Variants in CYTH3 observed in about 807,000 individuals in gnomAD.
The protein encoded by CYTH3 is cytohesin 3.
In CYTH3, 23 loss-of-function variants were observed where a neutral mutation model predicts 55.1. That is an observed-to-expected ratio of 0.42 (90% CI 0.30 to 0.59). The LOEUF (loss-of-function observed/expected upper bound fraction) is 0.59. CYTH3 is among the 20% of genes least tolerant of loss of function. The probability of loss-of-function intolerance (pLI) is 0.20; values close to 1 mark genes in which losing one functional copy is unlikely to be tolerated. For synonymous variants in CYTH3, 249 were observed against 194.9 expected, an observed-to-expected ratio of 1.28 and a Z score of -2.31; for missense variants, 413 against 524.8, an observed-to-expected ratio of 0.79 and a Z score of 2.08.
In CYTH3 at chr7:6,165,446, G is replaced by A. The variant is rs1037661144; in HGVS notation, c.973-19C>T. On this transcript the variant is annotated intron_variant, in intron 11 of 12. Transcript: ENST00000350796. ...AACAGTTCTGGTGGAGAAAGAGAGA[G>A]GGGAGGCGGTCAGGGGGGCTTGGGG... The A allele has an allele frequency of 2.5e-6, 4 of 1,610,326 alleles. No homozygotes were observed. Among genetic ancestry groups the A allele is most frequent in the East Asian group, 2.2e-5 (1 of 44,810 alleles).
At chr7:6,187,200 G>C (rs537754025) in intron 3 of CYTH3, 84 bp from the exon 4 acceptor site, 8 of 1,404,954 alleles carry the variant, frequency 5.7e-6, no homozygotes, top group Middle Eastern at 1.8e-4. Context: ...ACTTTCCCCC[G>C]CAACAACGGG....
intron 1 of CYTH3, among the ~76,000 whole-genome samples, chr7:6,242,068 G>C (rs1230515878): frequency 2.0e-5 from 3 of 152,000 alleles, no homozygotes; most frequent in Non-Finnish European, 2.9e-5. Flanking sequence ...GAACAGGGCA[G>C]AGGGGTTTTT....
chr7:6,271,693 G>A (rs968122122), intron 1 of CYTH3, among the ~76,000 whole-genome samples: 1 of 152,046 alleles, frequency 6.6e-6, no homozygotes, highest in African/African-American at 2.4e-5. Context: ...AGAGGAAACC[G>A]AACGTCAGAC....
At position 6,220,574 on chromosome 7, in the gene CYTH3, CAAAAAAA is replaced by C. The variant is rs1191450197; in HGVS notation, c.35-30050_35-30044del. ...GAGAAAGTCTCGAAACATCCTGTCTCAAAAAAAAAAAAAAAAAAAAACCAAAGGCTGG... is the reference window on the plus strand; with the variant it reads ...GAGAAAGTCTCGAAACATCCTGTCTCAAAAAAAAAAAAAACCAAAGGCTGG... On this transcript the variant is annotated intron_variant, in intron 1 of 12. Transcript: ENST00000350796. 6.4e-5 allele frequency among the ~76,000 whole-genome samples: 4 copies of C among 62,074 alleles called. No homozygotes were observed. In the East Asian group the frequency reaches 1.4e-3, roughly 22 times the overall value. The allele number at this position is 62,074 out of a possible 152,430, so 40.7% of individuals were successfully genotyped here.
At chr7:6,225,029 G>C (rs565882385) in intron 1 of CYTH3, among the ~76,000 whole-genome samples, 1 of 152,298 alleles carries the variant, frequency 6.6e-6, no homozygotes, top group African/African-American at 2.4e-5. Context: ...TTAGCCAGTG[G>C]CTGGCGCTGG....
chr7:6,243,248 C>T (rs746226460), intron 1 of CYTH3, among the ~76,000 whole-genome samples: 1 of 152,130 alleles, frequency 6.6e-6, no homozygotes, highest in Non-Finnish European at 1.5e-5. Context: ...TGAGAAGAGC[C>T]CAGCGGGCTG....
Position 6,167,521 on chromosome 7 carries a change from C to G in CYTH3, c.824-1711G>C, listed in dbSNP as rs1783048571. Among the ~76,000 whole-genome samples the G allele has an allele frequency of 6.6e-6, 1 of 152,250 alleles. No homozygotes were observed. The highest frequency in any genetic ancestry group is 1.5e-5 in the Non-Finnish European group (1 of 68,036). On this transcript the variant is annotated intron_variant, in intron 9 of 12. Transcript: ENST00000350796. This position sits in a 1 kb window ranked among gnomAD's most constrained non-coding sequence, Gnocchi z 5.5. ...GGCCCCGCTCCAGCTGCACTGGTGC[C>G]AGCTGCCATCCCCCAAACAGCGGCC...
At position 6,170,667 on chromosome 7, in the gene CYTH3, A is replaced by G. The variant is rs778149345; in HGVS notation, c.712-21T>C. The G allele has an allele frequency of 1.6e-5, 26 of 1,608,710 alleles. No individual in the cohort carries two copies. Among genetic ancestry groups the G allele is most frequent in the Non-Finnish European group, 2.2e-5 (26 of 1,177,064 alleles). On this transcript the variant is annotated intron_variant, in intron 8 of 12. Transcript: ENST00000350796. The surrounding 1 kb of genome is among the most constrained non-coding windows in gnomAD (Gnocchi z 7.8). The stretch of plus-strand genomic sequence containing the variant: ...AAATTCTGCAAGGAGGGAAAACAGC[A>G]GCCAGTTCAGAGACTCGGAGGAAAA...
Position 6,170,656 on chromosome 7 carries a change from G to A in CYTH3, c.712-10C>T, listed in dbSNP as rs1175658118. ...TGCTCTCATACAAATTCTGCAAGGA[G>A]GGAAAACAGCAGCCAGTTCAGAGAC... On this transcript the variant is annotated splice_polypyrimidine_tract_variant and intron_variant, in intron 8 of 12. Coordinates refer to ENST00000350796, the MANE Select transcript of CYTH3 (RefSeq NM_004227.4). The surrounding 1 kb of genome is among the most constrained non-coding windows in gnomAD (Gnocchi z 7.8). 2 of 1,612,100 alleles carry A rather than the reference G, an allele frequency of 1.2e-6. No homozygotes were observed. Among genetic ancestry groups the A allele is most frequent in the Non-Finnish European group, 1.7e-6 (2 of 1,178,984 alleles).
At position 6,260,121 on chromosome 7, in the gene CYTH3, G is replaced by A. The variant is rs1187212792; in HGVS notation, c.34+12353C>T. Among the ~76,000 whole-genome samples, 5 of 151,212 alleles carry A rather than the reference G, an allele frequency of 3.3e-5. No homozygotes were observed. The South Asian group carries it at 8.3e-4, about 25-fold the overall frequency. On this transcript the variant is annotated intron_variant, in intron 1 of 12. Transcript: ENST00000350796. ...TGGGATTACAGGCGTGTGCCACCGC[G>A]CCCAGCCAATATTTTATATATCTTA...
At chr7:6,236,374 T>C (rs1779524237) in intron 1 of CYTH3, among the ~76,000 whole-genome samples, 1 of 150,822 alleles carries the variant, frequency 6.6e-6, no homozygotes, top group African/African-American at 2.4e-5. Flanking sequence ...CTTTTTTTTT[T>C]TTTTTTTTTA....
At chr7:6,252,069 G>A (rs1431090014) in intron 1 of CYTH3, among the ~76,000 whole-genome samples, 3 of 152,204 alleles carry the variant, frequency 2.0e-5, no homozygotes, top group Admixed American at 6.5e-5. Context: ...CAGAGCAGAA[G>A]ATGCAAATCT....
chr7:6,217,421 GT>G (rs1291318429), intron 1 of CYTH3, among the ~76,000 whole-genome samples: 1 of 152,156 alleles, frequency 6.6e-6, no homozygotes, highest in African/African-American at 2.4e-5. Flanking sequence ...GAAAGCAGGT[GT>G]GGCTATATTA....
At chr7:6,205,221 A>G (rs946789206) in intron 1 of CYTH3, among the ~76,000 whole-genome samples, 1 of 152,162 alleles carries the variant, frequency 6.6e-6, no homozygotes, top group African/African-American at 2.4e-5. Flanking sequence ...AAATTAAATT[A>G]AGAAACACAA....
chr7:6,186,152 G>A (rs1016981878), intron 4 of CYTH3, among the ~76,000 whole-genome samples: 47 of 151,370 alleles, frequency 3.1e-4, no homozygotes, highest in African/African-American at 1.0e-3. Flanking sequence ...GCTGAGGCAG[G>A]AGAATGGCGT....
chr7:6,237,129 G>A (rs1168993403), intron 1 of CYTH3, among the ~76,000 whole-genome samples: 3 of 152,158 alleles, frequency 2.0e-5, no homozygotes, highest in Non-Finnish European at 4.4e-5. Flanking sequence ...AGCAGCTCCC[G>A]CCTCGGCAGG....
chr7:6,180,700 T>C (rs1783483992), intron 4 of CYTH3, among the ~76,000 whole-genome samples: 1 of 152,164 alleles, frequency 6.6e-6, no homozygotes, highest in Admixed American at 6.5e-5. Flanking sequence ...AGAAAGTGAG[T>C]GTTCTAACAT....
intron 1 of CYTH3, among the ~76,000 whole-genome samples, chr7:6,215,697 G>A (rs6942528): frequency 0.085 from 12,904 of 151,782 alleles, 1,396 homozygotes; most frequent in African/African-American, 0.25. Context: ...ATAAGCCTAT[G>A]AATTCAAGAG....
chr7:6,259,962 C>G (rs541993319), intron 1 of CYTH3, among the ~76,000 whole-genome samples: 9 of 146,770 alleles, frequency 6.1e-5, no homozygotes, highest in African/African-American at 2.3e-4. Context: ...TCCTAAGTAG[C>G]TGGGATTGCA....
Sources: gnomAD v4.1 joint callset for allele counts (sites outside exome capture counted in the v4.1 genomes callset) on GRCh38, gnomAD v4.1.1 for gene constraint, Gnocchi (gnomAD v3.1) non-coding constraint, MANE v1.5 for transcripts, NCBI Gene and HGNC (gene_info 2026-07-23, HGNC 2026-07-21) for gene names.